RAB11FIP3: variants seen among roughly 807,000 people sequenced by gnomAD.
RAB11FIP3 encodes rab11 family-interacting protein 3.
A neutral mutation model predicts 77.8 loss-of-function variants in RAB11FIP3; 17 were observed. The ratio of observed to expected loss-of-function variants is 0.22; its 90% CI spans 0.15 to 0.33. The LOEUF (loss-of-function observed/expected upper bound fraction) is 0.33. Among genes scored for constraint, RAB11FIP3 ranks in the 10% least tolerant of loss-of-function variants. The pLI is 1.00. For missense variants in RAB11FIP3, 1,005 were observed against 1,011.2 expected (o/e 0.99, Z 0.08); for synonymous variants, 437 against 448.2 (o/e 0.98, Z 0.31).
Position 505,745 on chromosome 16 carries a change from T to C in RAB11FIP3, c.1499+118T>C. 1 of 891,276 alleles carries C rather than the reference T, an allele frequency of 1.1e-6. No homozygotes were observed. Among genetic ancestry groups the C allele is most frequent in the Non-Finnish European group, 1.7e-6 (1 of 598,498 alleles). 55.2% of individuals were successfully genotyped at this position (891,276 alleles called of 1,614,324 possible). ...GGGCTTGGCCACCCGTCCATCCCCG[T>C]TGGAAGCCGGCTGAGGGGGTGGTGC... On this transcript the variant is annotated intron_variant, in intron 8 of 13. Transcript: ENST00000262305. This position sits in a 1 kb window ranked among gnomAD's most constrained non-coding sequence, Gnocchi z 4.0.
At chr16:444,039 G>A (rs535119167) in intron 1 of RAB11FIP3, among the ~76,000 whole-genome samples, 22 of 152,084 alleles carry the variant, frequency 1.4e-4, no homozygotes, top group African/African-American at 4.3e-4. Context: ...AAGTGTTTTC[G>A]TTCTTGTGCG....
rs573576899 is a variant in RAB11FIP3 at position 462,910 on chromosome 16, C to G, written c.808+1413C>G. 5.4e-3 allele frequency among the ~76,000 whole-genome samples: 818 copies of G among 151,814 alleles called. 8 individuals are homozygous for G. Among genetic ancestry groups the G allele is most frequent in the African/African-American group, 0.019 (778 of 41,288 alleles). On this transcript the variant is annotated intron_variant, in intron 2 of 13. Transcript: ENST00000262305. The stretch of plus-strand genomic sequence containing the variant: ...CCCAGCACAATGTCTTCCCCAGCAC[C>G]ATCCCTTTCCCAGCACGATCCGTTG...
At chr16:453,916 C>T (rs1010944714) in intron 1 of RAB11FIP3, among the ~76,000 whole-genome samples, 1 of 147,896 alleles carries the variant, frequency 6.8e-6, no homozygotes, top group African/African-American at 2.5e-5. Context: ...TTTTGTACTT[C>T]AAACAGAAAA....
In RAB11FIP3 at chr16:471,362, C is replaced by T. The variant is rs753031463; in HGVS notation, c.876C>T (p.Asp292=). Residue 292 remains aspartate (D), a synonymous_variant, in exon 3 of 14, where the codon GAC becomes GAT. Coordinates refer to ENST00000262305, the MANE Select transcript of RAB11FIP3 (RefSeq NM_014700.4). This position sits in a 1 kb window ranked among gnomAD's most constrained non-coding sequence, Gnocchi z 4.4. ...ATGAGGAGCCCCTGGCCTGCCCGGACGAGTTCGATGACTTCGTCACCTATG... is the reference window on the plus strand; with the variant it reads ...ATGAGGAGCCCCTGGCCTGCCCGGATGAGTTCGATGACTTCGTCACCTATG... The part of the protein sequence containing the change: ...AQDEEPLACP[D]EFDDFVTYEA... The T allele has an allele frequency of 3.7e-5, 59 of 1,613,464 alleles. No homozygotes were observed. The highest frequency in any genetic ancestry group is 8.0e-5 in the African/African-American group (6 of 74,930).
intron 1 of RAB11FIP3, among the ~76,000 whole-genome samples, chr16:431,834 G>A (rs1470683661): frequency 6.6e-6 from 1 of 151,166 alleles, no homozygotes; most frequent in Admixed American, 6.6e-5. Flanking sequence ...TTGGCTCGCT[G>A]CAAGCTCCGC....
At chr16:427,203 A>G (rs928461460) in intron 1 of RAB11FIP3, among the ~76,000 whole-genome samples, 19 of 152,258 alleles carry the variant, frequency 1.2e-4, no homozygotes, top group Non-Finnish European at 1.9e-4. Context: ...TATTTTGAGT[A>G]CAATTACTTT....
At chr16:474,324 G>A (rs1383074180) in intron 3 of RAB11FIP3, among the ~76,000 whole-genome samples, 4 of 152,126 alleles carry the variant, frequency 2.6e-5, no homozygotes, top group African/African-American at 9.7e-5. Flanking sequence ...CGGGGTGGTC[G>A]GGTAAAATGT....
chr16:487,035 T>C (rs2056168452), intron 4 of RAB11FIP3, among the ~76,000 whole-genome samples: 2 of 152,004 alleles, frequency 1.3e-5, no homozygotes, highest in Admixed American at 1.3e-4. Context: ...TCCCTGTCAC[T>C]GTGTAGGAAG....
chr16:447,685 C>G (rs2055339533), intron 1 of RAB11FIP3, among the ~76,000 whole-genome samples: 1 of 152,094 alleles, frequency 6.6e-6, no homozygotes, highest in African/African-American at 2.4e-5. Flanking sequence ...TTGCAGTGAG[C>G]CGAGATCGCG....
At chr16:494,478 C>T (rs1247498054) in intron 5 of RAB11FIP3, among the ~76,000 whole-genome samples, 6 of 151,366 alleles carry the variant, frequency 4.0e-5, no homozygotes, top group East Asian at 3.9e-4. Context: ...AAAAATTAGC[C>T]GGGCGTGGTG....
intron 9 of RAB11FIP3, among the ~76,000 whole-genome samples, chr16:516,984 C>T (rs1167025951): frequency 6.6e-6 from 1 of 152,174 alleles, no homozygotes; most frequent in Non-Finnish European, 1.5e-5. Context: ...GAGGACAGAG[C>T]GGGCGGGAAA....
rs553873054 is a variant in RAB11FIP3, at chr16:499,327, A to G, written c.1301+2468A>G. Among the ~76,000 whole-genome samples, 357 of 152,254 alleles carry G rather than the reference A, an allele frequency of 2.3e-3. 6 individuals carry two copies. The highest frequency in any genetic ancestry group is 8.3e-3 in the African/African-American group (343 of 41,536). On this transcript the variant is annotated intron_variant, in intron 6 of 13. Transcript: ENST00000262305. ...TCCTCCCCGCTTCATCAAGTCTTTT[A>G]CTCCAGACAGGCTGCAGCTGGTGAC... is the stretch of plus-strand genomic sequence containing the variant.
At chr16:431,909 A>C (rs1417075164) in intron 1 of RAB11FIP3, among the ~76,000 whole-genome samples, 3 of 151,440 alleles carry the variant, frequency 2.0e-5, no homozygotes, top group Non-Finnish European at 4.4e-5. Flanking sequence ...GGCGCCCGCC[A>C]CCCCTCCCGG....
chr16:491,676 T>G (rs2030204725), intron 5 of RAB11FIP3, among the ~76,000 whole-genome samples: 1 of 152,226 alleles, frequency 6.6e-6, no homozygotes. Flanking sequence ...TTTTGAATAC[T>G]CACAGTGAGC....
intron 9 of RAB11FIP3, among the ~76,000 whole-genome samples, chr16:512,085 G>C (rs2032205370): frequency 6.6e-6 from 1 of 152,190 alleles, no homozygotes; most frequent in Non-Finnish European, 1.5e-5. Context: ...TTAGAAAAAG[G>C]GGCAAAGCTA....
chr16:506,917 A>G lies in RAB11FIP3; in HGVS notation c.1499+1290A>G, dbSNP rs2031902873. Among the ~76,000 whole-genome samples the G allele has an allele frequency of 6.6e-6, 1 of 152,078 alleles. No individual in the cohort carries two copies. The highest frequency in any genetic ancestry group is 2.4e-5 in the African/African-American group (1 of 41,408). On this transcript the variant is annotated intron_variant, in intron 8 of 13. Coordinates refer to ENST00000262305, the MANE Select transcript of RAB11FIP3 (RefSeq NM_014700.4). This position sits in a 1 kb window ranked among gnomAD's most constrained non-coding sequence, Gnocchi z 4.5. ...CACATAAGCAGTGCCACCAAAGACCACTGTCTCCTCCTTGTCAAGGAGAAT... is the reference window on the plus strand; with the variant it reads ...CACATAAGCAGTGCCACCAAAGACCGCTGTCTCCTCCTTGTCAAGGAGAAT...
At position 426,036 on chromosome 16, in the gene RAB11FIP3, G is replaced by C; in HGVS notation, c.30G>C (p.Pro10=). The C allele has an allele frequency of 1.8e-5, 18 of 993,574 alleles. No homozygotes were observed. The highest frequency in any genetic ancestry group is 2.2e-5 in the Non-Finnish European group (18 of 837,166). 61.5% of individuals were successfully genotyped at this position (993,574 alleles called of 1,614,324 possible). A position where few individuals can be genotyped will look rare whatever the true frequency, so the allele number is the denominator to read the frequency against. The change falls in exon 1 of 14, where the codon CCG becomes CCC. Residue 10 remains proline, a synonymous_variant. Transcript: ENST00000262305. This position sits in a 1 kb window ranked among gnomAD's most constrained non-coding sequence, Gnocchi z 5.0. ...CGTCGGCCCCGCCGGCCTCGCCCCCGGGCTCGGAGCCGCCGGGGCCCGACC... is the reference window on the plus strand; with the variant it reads ...CGTCGGCCCCGCCGGCCTCGCCCCCCGGCTCGGAGCCGCCGGGGCCCGACC... The part of the protein sequence containing the change: MASAPPASP[P]GSEPPGPDPE...
At position 426,536 on chromosome 16, in the gene RAB11FIP3, G is replaced by A; in HGVS notation, c.530G>A (p.Gly177Asp). The change falls in exon 1 of 14, where the codon GGT (glycine) becomes GAT (aspartate). Residue 177 changes from glycine to aspartate, a missense_variant. This residue lies in a region of RAB11FIP3 where 466 missense variants were observed against 408.3 expected (regional missense o/e 1.14). Coordinates refer to ENST00000262305, the MANE Select transcript of RAB11FIP3 (RefSeq NM_014700.4). This position sits in a 1 kb window ranked among gnomAD's most constrained non-coding sequence, Gnocchi z 5.0. ...PTAGELALEQ[G>D]PGSPPQPSDL... ...GCGGGCGAGCTGGCGCTGGAGCAAG[G>A]TCCCGGGTCCCCGCCGCAGCCCTCG... 1 of 1,565,394 alleles carries A rather than the reference G, an allele frequency of 6.4e-7. No individual in the cohort carries two copies. Among genetic ancestry groups the A allele is most frequent in the South Asian group, 1.2e-5 (1 of 85,700 alleles).
intron 1 of RAB11FIP3, among the ~76,000 whole-genome samples, chr16:444,561 G>T (rs912969633): frequency 6.6e-6 from 1 of 152,226 alleles, no homozygotes; most frequent in African/African-American, 2.4e-5. Context: ...TCAAGATTGG[G>T]TTCTGGCCAG....
Sources: allele counts gnomAD v4.1 joint callset (sites outside exome capture counted in the v4.1 genomes callset), GRCh38; gene constraint gnomAD v4.1.1; regional missense constraint gnomAD v4.1.1; non-coding constraint Gnocchi (gnomAD v3.1); transcripts MANE v1.5; gene names NCBI Gene and HGNC (gene_info 2026-07-23, HGNC 2026-07-21).